SEC24A: variants seen among roughly 807,000 people sequenced by gnomAD.
SEC24A encodes the protein protein transport protein Sec24A.
A neutral mutation model predicts 129.4 loss-of-function variants in SEC24A; 93 were observed. The observed-to-expected ratio is 0.72, with a 90% CI of 0.61 to 0.85. The LOEUF is 0.85. SEC24A is among the 40% of genes least tolerant of loss of function. The probability of loss-of-function intolerance (pLI) is 0.00; values close to 1 mark genes in which losing one functional copy is unlikely to be tolerated. For missense variants in SEC24A, 1,264 were observed against 1,307.4 expected (o/e 0.97, Z 0.51); for synonymous variants, 460 against 467.3 (o/e 0.98, Z 0.20).
chr5:134,709,807 C>CT (rs970553488), intron 18 of SEC24A, among the ~76,000 whole-genome samples: 14 of 151,898 alleles, frequency 9.2e-5, no homozygotes, highest in South Asian at 2.1e-4. Context: ...AAAAATTTAA[C>CT]TTTTTTTTAA....
At chr5:134,654,617 A>G (rs1750177878) in intron 1 of SEC24A, among the ~76,000 whole-genome samples, 1 of 151,378 alleles carries the variant, frequency 6.6e-6, no homozygotes, top group Admixed American at 6.7e-5. Flanking sequence ...TCTGATTATC[A>G]TGTATTAACG....
intron 1 of SEC24A, among the ~76,000 whole-genome samples, chr5:134,650,003 G>A (rs966243074): frequency 6.6e-6 from 1 of 152,174 alleles, no homozygotes; most frequent in African/African-American, 2.4e-5. Flanking sequence ...AATAAGACTA[G>A]TAGAATAATG....
chr5:134,663,650 C>T (rs897360627), intron 2 of SEC24A, among the ~76,000 whole-genome samples: 7 of 151,704 alleles, frequency 4.6e-5, no homozygotes, highest in African/African-American at 1.7e-4. Context: ...ATAGCAAGAC[C>T]CCATCTCTAT....
rs1042665492 is a variant in SEC24A, at chr5:134,724,880, A to G, written c.3168-100A>G. On this transcript the variant is annotated intron_variant, in intron 22 of 22. Coordinates refer to ENST00000398844, the MANE Select transcript of SEC24A (RefSeq NM_021982.3). Reference sequence around the variant, plus strand: ...AAAGCCTCTAGAAGTAACTGTTTATATAGTAAATGTTATTAGGGTTATGAG... The same window carrying G: ...AAAGCCTCTAGAAGTAACTGTTTATGTAGTAAATGTTATTAGGGTTATGAG... 9 of 674,378 alleles carry G rather than the reference A, an allele frequency of 1.3e-5. No individual in the cohort carries two copies. In the African/African-American group the frequency reaches 1.7e-4, roughly 12 times the overall value. The allele number at this position is 674,378 out of a possible 1,614,324, so 41.8% of individuals were successfully genotyped here.
At chr5:134,699,153 C>T (rs1751922759) in intron 15 of SEC24A, among the ~76,000 whole-genome samples, 1 of 152,004 alleles carries the variant, frequency 6.6e-6, no homozygotes, top group Non-Finnish European at 1.5e-5. Context: ...TGGTTGCAAG[C>T]TCGTGGGCTC....
chr5:134,657,605 C>T (rs929734117), intron 1 of SEC24A, among the ~76,000 whole-genome samples: 3 of 152,090 alleles, frequency 2.0e-5, no homozygotes, highest in Admixed American at 6.6e-5. Context: ...GACACAGGTT[C>T]TCACTCTGTT....
At chr5:134,698,184 A>G (rs1751887430) in intron 15 of SEC24A, 127 bp downstream of exon 15, 2 of 735,800 alleles carry the variant, frequency 2.7e-6, no homozygotes, top group Admixed American at 2.9e-5. Flanking sequence ...TATGCAATTA[A>G]GAGGAGAGAA....
intron 9 of SEC24A, among the ~76,000 whole-genome samples, chr5:134,684,071 A>G (rs1189513741): frequency 6.6e-6 from 1 of 152,016 alleles, no homozygotes; most frequent in East Asian, 1.9e-4. Flanking sequence ...TTGGGATGCC[A>G]AGCCAGACGG....
At chr5:134,701,622 T>C (rs981208511) in intron 15 of SEC24A, among the ~76,000 whole-genome samples, 35 of 152,164 alleles carry the variant, frequency 2.3e-4, no homozygotes, top group African/African-American at 7.5e-4. Context: ...GTGATTCTCC[T>C]GCCTCAGCCT....
intron 16 of SEC24A, among the ~76,000 whole-genome samples, chr5:134,705,086 ATATATTT>A (rs1418195039): frequency 7.7e-6 from 1 of 129,618 alleles, no homozygotes; most frequent in African/African-American, 3.1e-5. Flanking sequence ...ATATATATAT[ATATATTT>A]TTTTTTTTTT....
chr5:134,655,391 C>T (rs1418215021), intron 1 of SEC24A, among the ~76,000 whole-genome samples: 2 of 152,270 alleles, frequency 1.3e-5, no homozygotes, highest in East Asian at 3.9e-4. Context: ...TGGCTCATGC[C>T]TGTAATCCCA....
At chr5:134,703,549 T>A (rs1752064318) in intron 15 of SEC24A, among the ~76,000 whole-genome samples, 1 of 152,200 alleles carries the variant, frequency 6.6e-6, no homozygotes, top group Non-Finnish European at 1.5e-5. Context: ...ATTACAGGCG[T>A]GAGCTACCGC....
intron 8 of SEC24A, among the ~76,000 whole-genome samples, chr5:134,680,828 G>A (rs914575528): frequency 1.3e-5 from 2 of 152,068 alleles, no homozygotes; most frequent in African/African-American, 2.4e-5. Flanking sequence ...GGATGGGCAC[G>A]GTGGCTTACG....
intron 16 of SEC24A, among the ~76,000 whole-genome samples, chr5:134,704,803 T>TA (rs554646435): frequency 0.14 from 17,797 of 131,148 alleles, 1,246 homozygotes; most frequent in East Asian, 0.28. Context: ...ACCTTGTTTC[T>TA]AAAAAAAAAA....
At chr5:134,660,728 G>GT (rs112843055) in intron 1 of SEC24A, among the ~76,000 whole-genome samples, 20 of 150,324 alleles carry the variant, frequency 1.3e-4, no homozygotes, top group South Asian at 2.1e-4. Flanking sequence ...GCTACTTTTT[G>GT]TTTTTTTTTA....
chr5:134,705,090 A>ATATATT lies in SEC24A; in HGVS notation c.2441-236_2441-235insATATTT, dbSNP rs1180461537. Among the ~76,000 whole-genome samples, 666 of 123,212 alleles carry ATATATT rather than the reference A, an allele frequency of 5.4e-3. 5 individuals are homozygous for ATATATT. The highest frequency in any genetic ancestry group is 0.013 in the African/African-American group (441 of 33,110). 80.8% of individuals were successfully genotyped at this position (123,212 alleles called of 152,430 possible). ...TATATTTATATATATATATATATAT[A>ATATATT]TTTTTTTTTTTTTAATTAATTTATT... On this transcript the variant is annotated intron_variant, in intron 16 of 22. Transcript: ENST00000398844.
At position 134,661,373 on chromosome 5, in the gene SEC24A, A is replaced by G. The variant is rs745680774; in HGVS notation, c.352A>G (p.Thr118Ala). ...ATTACCTGCTTCTCAGAACCCAGCT[A>G]CTACACCAATGCCTTCTAGTAGCTT... is the stretch of plus-strand genomic sequence containing the variant. ...MPLPASQNPA[T>A]TPMPSSSFLP... is the part of the protein sequence containing the mutation. Residue 118 changes from threonine (T) to alanine (A), a missense_variant, in exon 2 of 23, where the codon ACT becomes GCT. Transcript: ENST00000398844. 27 of 1,614,158 alleles carry G rather than the reference A, an allele frequency of 1.7e-5. No individual in the cohort carries two copies. The East Asian group carries it at 4.9e-4, about 29-fold the overall frequency.
chr5:134,716,394 G>A (rs375011457), intron 19 of SEC24A, among the ~76,000 whole-genome samples: 2 of 151,036 alleles, frequency 1.3e-5, no homozygotes, highest in Admixed American at 6.6e-5. Flanking sequence ...GCTTGAACCC[G>A]GGAGGCGGAG....
In SEC24A at chr5:134,727,475, ACT is replaced by A. The variant is rs1404302732; in HGVS notation, c.*2382_*2383del. 6.6e-6 allele frequency: 1 copy of A among 152,494 alleles called. No individual in the cohort carries two copies. Among genetic ancestry groups the A allele is most frequent in the Non-Finnish European group, 1.5e-5 (1 of 67,996 alleles). The allele number at this position is 152,494 out of a possible 1,614,324, so 9.4% of individuals were successfully genotyped here. A position where few individuals can be genotyped will look rare whatever the true frequency, so the allele number is the denominator to read the frequency against. On this transcript the variant is annotated 3_prime_UTR_variant, in exon 23 of 23. Coordinates refer to ENST00000398844, the MANE Select transcript of SEC24A (RefSeq NM_021982.3). ...TTTATTTTAGTTTGCATATATTTTC[ACT>A]GTTTTTAATTTAATGTATTGAGTCT...
Sources: allele counts gnomAD v4.1 joint callset (sites outside exome capture counted in the v4.1 genomes callset), GRCh38; gene constraint gnomAD v4.1.1; transcripts MANE v1.5; gene names NCBI Gene and HGNC (gene_info 2026-07-23, HGNC 2026-07-21).